The following LRIG3 variants were observed in gnomAD, a reference collection of about 807,000 sequenced individuals.
LRIG3 encodes leucine-rich repeats and immunoglobulin-like domains protein 3.
Under a neutral mutation model 114.5 loss-of-function variants are expected in LRIG3, and 76 were observed. That is an observed-to-expected ratio of 0.66 (90% confidence interval 0.55 to 0.80). LRIG3 has a LOEUF of 0.80. Among genes scored for constraint, LRIG3 ranks in the 30% least tolerant of loss-of-function variants. The pLI, the probability that LRIG3 is intolerant of heterozygous loss-of-function variation, is 0.00. For synonymous variants in LRIG3, 512 were observed against 519.8 expected (o/e 0.98, Z 0.20); for missense variants, 1,239 against 1,382.8 (o/e 0.90, Z 1.65).
intron 3 of LRIG3, among the ~76,000 whole-genome samples, chr12:58,891,949 A>T (rs1220189675): frequency 6.6e-6 from 1 of 152,168 alleles, no homozygotes; most frequent in Non-Finnish European, 1.5e-5. Context: ...CCTGGTAGCT[A>T]TCAAATGGTA....
intron 10 of LRIG3, among the ~76,000 whole-genome samples, chr12:58,885,491 C>T (rs1399021966): frequency 6.6e-6 from 1 of 151,352 alleles, no homozygotes; most frequent in African/African-American, 2.4e-5. Context: ...ATATGTGGTA[C>T]AATGCCTGAT....
chr12:58,875,438 C>G (rs548475370), intron 16 of LRIG3, among the ~76,000 whole-genome samples: 174 of 152,348 alleles, frequency 1.1e-3, no homozygotes, highest in Non-Finnish European at 1.8e-3. Flanking sequence ...AAATTGAAAA[C>G]ATATACTTCT....
In LRIG3 at chr12:58,888,943, T is replaced by C. The variant is rs1296394574; in HGVS notation, c.679A>G (p.Ile227Val). 2 of 1,613,484 alleles carry C rather than the reference T, an allele frequency of 1.2e-6. No homozygotes were observed. The highest frequency in any genetic ancestry group is 1.7e-6 in the Non-Finnish European group (2 of 1,179,720). ...LQHLELNRNK[I>V]KNVDGLTFQG... ...AATGTCAGTCCATCTACATTTTTAATCTTGTTTCGGTTCAATTCGCTGCAT... is the reference window on the plus strand; with the variant it reads ...AATGTCAGTCCATCTACATTTTTAACCTTGTTTCGGTTCAATTCGCTGCAT... The change falls in exon 6 of 19, where the codon ATT becomes GTT. Residue 227 changes from isoleucine (I) to valine (V), a missense_variant. Transcript: ENST00000320743.
Position 58,877,475 on chromosome 12 carries a change from C to T in LRIG3, c.2461G>A (p.Gly821Ser), listed in dbSNP as rs748154252. ...VIIAVVCCVV[G>S]TSLVWVVIIY... Reference sequence around the variant, plus strand: ...ATGACCACCCACACGAGTGACGTGCCCACCACACAGCAAACCACGGCTATG... The same window carrying T: ...ATGACCACCCACACGAGTGACGTGCTCACCACACAGCAAACCACGGCTATG... The change falls in exon 15 of 19, where the codon GGC (glycine) becomes AGC (serine). Residue 821 changes from glycine (G) to serine (S), a missense_variant. Gly to Ser is a moderately conservative substitution (Grantham distance 56). Transcript: ENST00000320743. 6.2e-6 allele frequency: 10 copies of T among 1,614,212 alleles called. No homozygotes were observed. In the South Asian group the frequency reaches 7.7e-5, roughly 12 times the overall value.
intron 3 of LRIG3, among the ~76,000 whole-genome samples, chr12:58,893,028 C>T (rs957925268): frequency 6.6e-6 from 1 of 152,188 alleles, no homozygotes; most frequent in Non-Finnish European, 1.5e-5. Flanking sequence ...CATCATCATG[C>T]CAACATTAAG....
intron 18 of LRIG3, 138 bp from the exon 19 acceptor site, chr12:58,872,954 A>G: frequency 8.7e-7 from 1 of 1,146,736 alleles, no homozygotes; most frequent in Non-Finnish European, 1.2e-6. Flanking sequence ...TGGCACTCAC[A>G]TACATGTACA....
At chr12:58,880,071 C>T (rs1009297696) in intron 13 of LRIG3, among the ~76,000 whole-genome samples, 1 of 152,092 alleles carries the variant, frequency 6.6e-6, no homozygotes. Flanking sequence ...CCAAGGTGGG[C>T]AGATCACAAG....
intron 12 of LRIG3, 29 bp downstream of exon 12, chr12:58,882,840 T>A (rs1478934014): frequency 6.4e-7 from 1 of 1,552,280 alleles, no homozygotes; most frequent in Non-Finnish European, 8.7e-7. Flanking sequence ...GAAGAATAAA[T>A]AAAAGGCAAG....
intron 16 of LRIG3, 149 bp from the exon 17 acceptor site, chr12:58,874,722 T>C (rs1170346547): frequency 1.1e-6 from 1 of 947,508 alleles, no homozygotes; most frequent in Non-Finnish European, 1.5e-6. Context: ...AGTAGGGTTT[T>C]AAAAAATTTA....
In LRIG3 at chr12:58,910,828, A is replaced by G. The variant is rs528136332; in HGVS notation, c.383+3154T>C. ...CAATGCTGTAGAACTCACAGATTCA[A>G]ACTTCCCTAACCCAAGGCACAGATT... is the stretch of plus-strand genomic sequence containing the variant. On this transcript the variant is annotated intron_variant, in intron 3 of 18. Transcript: ENST00000320743. Among the ~76,000 whole-genome samples, 3 of 152,304 alleles carry G rather than the reference A, an allele frequency of 2.0e-5. No individual in the cohort carries two copies. In the South Asian group the frequency reaches 6.2e-4, roughly 32 times the overall value.
intron 2 of LRIG3, 80 bp from the exon 3 acceptor site, chr12:58,914,136 T>G: frequency 6.6e-7 from 1 of 1,519,762 alleles, no homozygotes; most frequent in Non-Finnish European, 9.0e-7. Context: ...CTTTACATAT[T>G]ATTTCAAGAT....
chr12:58,886,724 T>C, intron 9 of LRIG3, 86 bp downstream of exon 9: 1 of 1,079,722 alleles, frequency 9.3e-7, no homozygotes, highest in Non-Finnish European at 1.4e-6. Flanking sequence ...CATCTCTTCA[T>C]GATGTCAACT....
chr12:58,889,095 T>G, intron 5 of LRIG3, 133 bp from the exon 6 acceptor site: 3 of 848,226 alleles, frequency 3.5e-6, no homozygotes, highest in Non-Finnish European at 5.3e-6. Flanking sequence ...TTTCTAAACA[T>G]TTTTATTGCA....
chr12:58,905,444 T>C (rs891061545), intron 3 of LRIG3, among the ~76,000 whole-genome samples: 4 of 152,206 alleles, frequency 2.6e-5, no homozygotes, highest in African/African-American at 9.7e-5. Flanking sequence ...CGTTTATGTG[T>C]TTATTTTGTA....
intron 18 of LRIG3, 82 bp downstream of exon 18, chr12:58,873,973 A>T (rs1297667331): frequency 6.7e-7 from 1 of 1,502,512 alleles, no homozygotes; most frequent in African/African-American, 1.4e-5. Context: ...CCAGTTTGAC[A>T]TTCAAGGCTG....
intron 18 of LRIG3, chr12:58,873,720 C>T (rs1870811800): frequency 2.8e-6 from 1 of 353,522 alleles, no homozygotes; most frequent in Admixed American, 4.6e-5. Context: ...ACAACTCCAC[C>T]CCAAAGGCCG....
At chr12:58,881,026 C>T in intron 12 of LRIG3, 125 bp from the exon 13 acceptor site, 1 of 848,718 alleles carries the variant, frequency 1.2e-6, no homozygotes, top group South Asian at 1.7e-5. Flanking sequence ...GTATGTTTTC[C>T]AGATGGACTA....
chr12:58,914,845 T>C, intron 1 of LRIG3, among the ~76,000 whole-genome samples: 1 of 152,218 alleles, frequency 6.6e-6, no homozygotes, highest in East Asian at 1.9e-4. Context: ...TAAAGCATTA[T>C]TTTGTGTGTG....
At chr12:58,919,548 G>A in intron 1 of LRIG3, 1 of 1,549,704 alleles carries the variant, frequency 6.5e-7, no homozygotes, top group Non-Finnish European at 8.7e-7. Flanking sequence ...TTCAGTTACT[G>A]GGTGGGAACA....
Sources: gnomAD v4.1 joint callset for allele counts (sites outside exome capture counted in the v4.1 genomes callset) on GRCh38, gnomAD v4.1.1 for gene constraint, MANE v1.5 for transcripts, NCBI Gene and HGNC (gene_info 2026-07-23, HGNC 2026-07-21) for gene names.